The following GLS variants were observed in gnomAD, a reference collection of about 807,000 sequenced individuals.
GLS encodes glutaminase kidney isoform, mitochondrial.
In GLS, 36 loss-of-function variants were observed where a neutral mutation model predicts 86.7. The ratio of observed to expected loss-of-function variants is 0.42; its 90% CI spans 0.32 to 0.55. The LOEUF is 0.55. Ranked by LOEUF, GLS falls within the 20% of genes least tolerant of loss-of-function variation. GLS has a pLI of 0.17. For missense variants in GLS, 528 were observed against 833.4 expected (o/e 0.63, Z 4.51); for synonymous variants, 317 against 305.9 (o/e 1.04, Z -0.38).
intron 17 of GLS, among the ~76,000 whole-genome samples, chr2:190,958,040 AC>A (rs1289761331): frequency 1.3e-5 from 2 of 152,026 alleles, no homozygotes; most frequent in African/African-American, 4.8e-5. Flanking sequence ...CTGGTCCTAG[AC>A]TTTTTTCGGT....
In GLS at chr2:190,897,467, TA is replaced by T. The variant is rs1688785067; in HGVS notation, c.605+1747del. Among the ~76,000 whole-genome samples, 1 of 152,226 alleles carries T rather than the reference TA, an allele frequency of 6.6e-6. No individual in the cohort carries two copies. Among genetic ancestry groups the T allele is most frequent in the Admixed American group, 6.5e-5 (1 of 15,286 alleles). On this transcript the variant is annotated intron_variant, in intron 3 of 17. Transcript: ENST00000320717. This position sits in a 1 kb window ranked among gnomAD's most constrained non-coding sequence, Gnocchi z 4.3. ...TTGTTTTAAACACTAATCCAATTTT[TA>T]AAAATCTATGCTTGTAATACAGGCA...
intron 1 of GLS, chr2:190,881,712 G>A (rs1688200069): frequency 4.4e-6 from 2 of 456,196 alleles, no homozygotes; most frequent in Non-Finnish European, 7.8e-6. Flanking sequence ...GGGTCGCCCT[G>A]GTGGGGCCGC....
intron 17 of GLS, among the ~76,000 whole-genome samples, chr2:190,957,168 G>A (rs1247861215): frequency 6.6e-6 from 1 of 152,162 alleles, no homozygotes; most frequent in Non-Finnish European, 1.5e-5. Flanking sequence ...TCAGCTCACT[G>A]CAACCTCTGT....
chr2:190,949,591 G>C lies in GLS; in HGVS notation c.1651-3974G>C, dbSNP rs1259221166. Among the ~76,000 whole-genome samples, 1 of 152,122 alleles carries C rather than the reference G, an allele frequency of 6.6e-6. No individual in the cohort carries two copies. Among genetic ancestry groups the C allele is most frequent in the Admixed American group, 6.5e-5 (1 of 15,272 alleles). On this transcript the variant is annotated intron_variant, in intron 14 of 17. Coordinates refer to ENST00000320717, the MANE Select transcript of GLS (RefSeq NM_014905.5). This position sits in a 1 kb window ranked among gnomAD's most constrained non-coding sequence, Gnocchi z 4.0. ...GCCTGTAATCCCAGCTACTCCAGAG[G>C]CTGAGGTGGGAGAATCACTTGAACC...
At chr2:190,945,791 T>A (rs188803864) in intron 14 of GLS, among the ~76,000 whole-genome samples, 372 of 152,310 alleles carry the variant, frequency 2.4e-3, no homozygotes, top group African/African-American at 8.3e-3. Context: ...AAGTGAAATT[T>A]CTGTAAAACA....
chr2:190,916,029 A>G (rs1346674297), intron 7 of GLS, among the ~76,000 whole-genome samples: 1 of 152,224 alleles, frequency 6.6e-6, no homozygotes, highest in Admixed American at 6.5e-5. Flanking sequence ...ATTTCAATCT[A>G]CTTGTCTATT....
chr2:190,957,077 C>A (rs1690876572), intron 17 of GLS, among the ~76,000 whole-genome samples: 1 of 151,252 alleles, frequency 6.6e-6, no homozygotes, highest in South Asian at 2.1e-4. Flanking sequence ...TCCTCTCTTC[C>A]TATTTGAATA....
Position 190,924,037 on chromosome 2 carries a change from TGAAG to T in GLS, c.1197+55_1197+58del. ...TTATTCTTTCATTTAATAAAATACATGAAGATGTATGCTAAGAATTCAACAATAG... is the reference window on the plus strand; with the variant it reads ...TTATTCTTTCATTTAATAAAATACATATGTATGCTAAGAATTCAACAATAG... On this transcript the variant is annotated intron_variant, in intron 10 of 17. Coordinates refer to ENST00000320717, the MANE Select transcript of GLS (RefSeq NM_014905.5). This position sits in a 1 kb window ranked among gnomAD's most constrained non-coding sequence, Gnocchi z 5.2. 3.4e-6 allele frequency: 3 copies of T among 881,236 alleles called. No homozygotes were observed. The highest frequency in any genetic ancestry group is 5.6e-6 in the Non-Finnish European group (3 of 538,876). 54.6% of individuals were successfully genotyped at this position (881,236 alleles called of 1,614,324 possible).
intron 5 of GLS, among the ~76,000 whole-genome samples, chr2:190,904,198 G>A (rs1689050775): frequency 6.6e-6 from 1 of 151,556 alleles, no homozygotes; most frequent in Admixed American, 6.6e-5. Flanking sequence ...GCAATATGAG[G>A]CATTTGTAGA....
chr2:190,881,405 C>A lies in GLS; in HGVS notation c.321C>A (p.Asp107Glu), dbSNP rs1208378788. 6.5e-7 allele frequency: 1 copy of A among 1,542,998 alleles called. No homozygotes were observed. Among genetic ancestry groups the A allele is most frequent in the African/African-American group, 1.4e-5 (1 of 72,098 alleles). ...CCCCGGCGGCGCCCGGCCCCAAGGA[C>A]GGCCCCGGGGAGACGGACGCGTTTG... Reference protein sequence around the residue: ...PAAPAAPGPKDGPGETDAFGN... With the variant: ...PAAPAAPGPKEGPGETDAFGN... Residue 107 changes from aspartate to glutamate, a missense_variant, in exon 1 of 18, where the codon GAC (aspartate) becomes GAA (glutamate). Physicochemically the swap from Asp to Glu is conservative, Grantham distance 45 (BLOSUM62 2). Around this residue, in one of 4 missense-constraint regions of GLS, gnomAD observed 224 missense variants for 187.9 expected, o/e 1.19. Transcript: ENST00000320717.
In GLS at chr2:190,930,419, TTA is replaced by T. The variant is rs1430225657; in HGVS notation, c.1426-17_1426-16del. ...TTAAAATGTTTACCTGAATACTCTT[TTA>T]CTGAATTATTTTTAGGTTGGTCTTC... On this transcript the variant is annotated splice_polypyrimidine_tract_variant and intron_variant, in intron 12 of 17. Transcript: ENST00000320717. This position sits in a 1 kb window ranked among gnomAD's most constrained non-coding sequence, Gnocchi z 5.0. The T allele has an allele frequency of 6.3e-7, 1 of 1,579,146 alleles. No homozygotes were observed. Among genetic ancestry groups the T allele is most frequent in the Admixed American group, 1.7e-5 (1 of 59,826 alleles).
chr2:190,901,885 G>A, intron 4 of GLS, 62 bp from the exon 5 acceptor site: 1 of 1,037,202 alleles, frequency 9.6e-7, no homozygotes, highest in Non-Finnish European at 1.5e-6. Flanking sequence ...ATTTGTTGGT[G>A]GAAGAAAATA....
In GLS at chr2:190,914,162, A is replaced by G. The variant is rs1279454439; in HGVS notation, c.1038+3841A>G. Among the ~76,000 whole-genome samples, 3 of 152,166 alleles carry G rather than the reference A, an allele frequency of 2.0e-5. No homozygotes were observed. Among genetic ancestry groups the G allele is most frequent in the Non-Finnish European group, 4.4e-5 (3 of 68,018 alleles). ...TTCAATTTTCTTTTTAATCAAAAGTATTTTTGAATTTTAAAAATTAGGGTT... is the reference window on the plus strand; with the variant it reads ...TTCAATTTTCTTTTTAATCAAAAGTGTTTTTGAATTTTAAAAATTAGGGTT... On this transcript the variant is annotated intron_variant, in intron 7 of 17. Coordinates refer to ENST00000320717, the MANE Select transcript of GLS (RefSeq NM_014905.5). This position sits in a 1 kb window ranked among gnomAD's most constrained non-coding sequence, Gnocchi z 4.4.
intron 14 of GLS, among the ~76,000 whole-genome samples, chr2:190,936,127 A>G (rs1482587266): frequency 6.6e-6 from 1 of 151,160 alleles, no homozygotes; most frequent in Non-Finnish European, 1.5e-5. Flanking sequence ...GATATATTCA[A>G]TATATGTAAC....
intron 6 of GLS, among the ~76,000 whole-genome samples, chr2:190,906,775 G>A (rs548854565): frequency 6.6e-6 from 1 of 152,110 alleles, no homozygotes; most frequent in Non-Finnish European, 1.5e-5. Flanking sequence ...TAGATTTTTG[G>A]TGAAACCATA....
intron 14 of GLS, among the ~76,000 whole-genome samples, chr2:190,946,958 C>T (rs1690589784): frequency 6.7e-6 from 1 of 149,556 alleles, no homozygotes; most frequent in Non-Finnish European, 1.5e-5. Flanking sequence ...TCCTTAATCT[C>T]AGTGGTAGTA....
At chr2:190,918,358 C>A (rs762042356) in intron 7 of GLS, among the ~76,000 whole-genome samples, 1 of 152,152 alleles carries the variant, frequency 6.6e-6, no homozygotes, top group Non-Finnish European at 1.5e-5. Context: ...GAGACGGCTT[C>A]TTTCCTTAAA....
intron 6 of GLS, among the ~76,000 whole-genome samples, chr2:190,907,659 T>G (rs1689206963): frequency 6.6e-6 from 1 of 152,228 alleles, no homozygotes; most frequent in Non-Finnish European, 1.5e-5. Context: ...TATGGAGATG[T>G]CAGTTTTGCA....
At position 190,913,802 on chromosome 2, in the gene GLS, TTG is replaced by T; in HGVS notation, c.1038+3483_1038+3484del. 2.2e-6 allele frequency: 2 copies of T among 911,982 alleles called. No homozygotes were observed. Among genetic ancestry groups the T allele is most frequent in the Non-Finnish European group, 2.6e-6 (2 of 762,990 alleles). The allele number at this position is 911,982 out of a possible 1,614,324, so 56.5% of individuals were successfully genotyped here. A position where few individuals can be genotyped will look rare whatever the true frequency, so the allele number is the denominator to read the frequency against. On this transcript the variant is annotated intron_variant, in intron 7 of 17. Coordinates refer to ENST00000320717, the MANE Select transcript of GLS (RefSeq NM_014905.5). The surrounding 1 kb of genome is among the most constrained non-coding windows in gnomAD (Gnocchi z 6.1). ...CTATGTTTTTACCTCTCAGAGTTTT[TTG>T]TTTTTTGTTTTTTAGAGACAAGGTC...
Sources: allele counts gnomAD v4.1 joint callset (sites outside exome capture counted in the v4.1 genomes callset), GRCh38; gene constraint gnomAD v4.1.1; regional missense constraint gnomAD v4.1.1; non-coding constraint Gnocchi (gnomAD v3.1); transcripts MANE v1.5; gene names NCBI Gene and HGNC (gene_info 2026-07-23, HGNC 2026-07-21).